LSAMP: variants seen among roughly 807,000 people sequenced by gnomAD.
LSAMP encodes the protein limbic system associated membrane protein, also known as limbic system-associated membrane protein.
Under a neutral mutation model 38.6 loss-of-function variants are expected in LSAMP, and 7 were observed. The ratio of observed to expected loss-of-function variants is 0.18; its 90% CI spans 0.10 to 0.34. The LOEUF is 0.34. Ranked by LOEUF, LSAMP falls within the 10% of genes least tolerant of loss-of-function variation. The pLI is 1.00. For synonymous variants in LSAMP, 154 were observed against 166.8 expected (o/e 0.92, Z 0.59); for missense variants, 313 against 420.0 (o/e 0.75, Z 2.23).
At chr3:115,831,791 G>A (rs1934621031) in intron 6 of LSAMP, among the ~76,000 whole-genome samples, 1 of 152,158 alleles carries the variant, frequency 6.6e-6, no homozygotes, top group African/African-American at 2.4e-5. Context: ...ACACCTATCA[G>A]AAACAGATCA....
chr3:116,427,825 G>C (rs746314205), intron 1 of LSAMP, among the ~76,000 whole-genome samples: 2 of 151,934 alleles, frequency 1.3e-5, no homozygotes, highest in African/African-American at 4.8e-5. Flanking sequence ...TCTCTCTCTT[G>C]GCAATTTCAT....
chr3:115,888,881 CTG>C (rs1936523051), intron 3 of LSAMP, among the ~76,000 whole-genome samples: 1 of 151,920 alleles, frequency 6.6e-6, no homozygotes, highest in Non-Finnish European at 1.5e-5. Context: ...TATTCTAAGT[CTG>C]TGGCTAGAAG....
intron 2 of LSAMP, among the ~76,000 whole-genome samples, chr3:116,083,965 C>T (rs1327609890): frequency 6.6e-6 from 1 of 152,070 alleles, no homozygotes; most frequent in Admixed American, 6.5e-5. Flanking sequence ...AGGAGGATAC[C>T]ATGCTTTCTT....
chr3:116,052,869 T>G (rs1941421816), intron 2 of LSAMP, among the ~76,000 whole-genome samples: 1 of 152,188 alleles, frequency 6.6e-6, no homozygotes, highest in Admixed American at 6.5e-5. Flanking sequence ...TCTAACCTGG[T>G]GCAGAGAATC....
intron 3 of LSAMP, among the ~76,000 whole-genome samples, chr3:115,933,715 G>A (rs1937619746): frequency 6.6e-6 from 1 of 152,136 alleles, no homozygotes; most frequent in Admixed American, 6.5e-5. Context: ...TCCATACTGT[G>A]GTGACAAGAA....
chr3:116,178,167 AC>A, intron 1 of LSAMP, among the ~76,000 whole-genome samples: 1 of 151,582 alleles, frequency 6.6e-6, no homozygotes, highest in Middle Eastern at 3.2e-3. Context: ...AAGGGAAGAG[AC>A]TTAATTTTTA....
At chr3:116,107,152 T>G (rs888849443) in intron 1 of LSAMP, among the ~76,000 whole-genome samples, 4 of 151,972 alleles carry the variant, frequency 2.6e-5, no homozygotes, top group Admixed American at 2.6e-4. Flanking sequence ...ATCAGAGAGA[T>G]ACAGTCATGA....
At chr3:116,175,876 C>T (rs1279314987) in intron 1 of LSAMP, among the ~76,000 whole-genome samples, 2 of 151,998 alleles carry the variant, frequency 1.3e-5, no homozygotes, top group Non-Finnish European at 2.9e-5. Context: ...ATAGTAAATC[C>T]AATGAAAACT....
At position 116,005,042 on chromosome 3, in the gene LSAMP, G is replaced by A. The variant is rs147856340; in HGVS notation, c.514+14473C>T. On this transcript the variant is annotated intron_variant, in intron 3 of 6. Transcript: ENST00000490035. Reference sequence around the variant, plus strand: ...TCTAGTGATGGTAGTAATAGTAGCAGTAGTAGTAGTAGTAGCAGTGGGTAG... The same window carrying A: ...TCTAGTGATGGTAGTAATAGTAGCAATAGTAGTAGTAGTAGCAGTGGGTAG... 1.1e-3 allele frequency among the ~76,000 whole-genome samples: 160 copies of A among 152,138 alleles called. 1 individual carries two copies. The highest frequency in any genetic ancestry group is 6.8e-3 in the Middle Eastern group (2 of 292).
chr3:116,316,778 GAAAAAA>G (rs35294836), intron 1 of LSAMP, among the ~76,000 whole-genome samples: 1 of 119,010 alleles, frequency 8.4e-6, no homozygotes, highest in Non-Finnish European at 1.7e-5. Flanking sequence ...CTCAAAAAAA[GAAAAAA>G]AAAAAAAAAA....
Position 116,396,904 on chromosome 3 carries a change from A to G in LSAMP, c.155+47973T>C, listed in dbSNP as rs76668490. On this transcript the variant is annotated intron_variant, in intron 1 of 6. Transcript: ENST00000490035. ...TTCTGTCATACTTCACATCCCATCCATCATGACATAATATCATTTCTATCA... is the reference window on the plus strand; with the variant it reads ...TTCTGTCATACTTCACATCCCATCCGTCATGACATAATATCATTTCTATCA... Among the ~76,000 whole-genome samples, 434 of 152,326 alleles carry G rather than the reference A, an allele frequency of 2.8e-3. 2 individuals are homozygous for G. Among genetic ancestry groups the G allele is most frequent in the African/African-American group, 9.9e-3 (413 of 41,564 alleles).
intron 1 of LSAMP, among the ~76,000 whole-genome samples, chr3:116,439,996 C>G (rs775416308): frequency 1.1e-4 from 16 of 152,220 alleles, no homozygotes; most frequent in Non-Finnish European, 2.4e-4. Context: ...GCTGGGATTA[C>G]AGGCGTGAGC....
intron 1 of LSAMP, among the ~76,000 whole-genome samples, chr3:116,287,495 T>C (rs115651526): frequency 0.017 from 2,636 of 152,276 alleles, 67 homozygotes; most frequent in African/African-American, 0.059. Flanking sequence ...GTTTATTCCT[T>C]TTTGTGTGTG....
intron 6 of LSAMP, among the ~76,000 whole-genome samples, chr3:115,836,432 T>C (rs1284259571): frequency 6.6e-6 from 1 of 152,198 alleles, no homozygotes; most frequent in Non-Finnish European, 1.5e-5. Context: ...AAAACGAAAC[T>C]TTCCAACTTT....
At chr3:116,102,108 CAAG>C (rs1286737344) in intron 1 of LSAMP, among the ~76,000 whole-genome samples, 2 of 152,014 alleles carry the variant, frequency 1.3e-5, no homozygotes, top group Non-Finnish European at 2.9e-5. Context: ...ATAATATGAT[CAAG>C]AAGAAAAACA....
chr3:116,167,010 CTT>C (rs1710071760), intron 1 of LSAMP, among the ~76,000 whole-genome samples: 3 of 152,046 alleles, frequency 2.0e-5, no homozygotes, highest in Admixed American at 6.5e-5. Flanking sequence ...CCAGGATGGT[CTT>C]GATCTCCTGA....
At chr3:116,027,967 C>T (rs1368070692) in intron 2 of LSAMP, among the ~76,000 whole-genome samples, 1 of 152,118 alleles carries the variant, frequency 6.6e-6, no homozygotes, top group East Asian at 1.9e-4. Flanking sequence ...GTATACACTA[C>T]TGTGTATGTG....
chr3:115,821,678 T>G (rs1934244407), intron 6 of LSAMP, among the ~76,000 whole-genome samples: 1 of 151,900 alleles, frequency 6.6e-6, no homozygotes, highest in Non-Finnish European at 1.5e-5. Context: ...TTAGTAAGAG[T>G]GTGTGTTTGC....
chr3:116,206,011 C>T lies in LSAMP; in HGVS notation c.156-119455G>A, dbSNP rs1411271542. ...TCCTCCTTGTACCTCTGGTAGAATT[C>T]GGCTGTGAATGCATCTGGCCCTGGA... On this transcript the variant is annotated intron_variant, in intron 1 of 6. Coordinates refer to ENST00000490035, the MANE Select transcript of LSAMP (RefSeq NM_002338.5). Among the ~76,000 whole-genome samples the T allele has an allele frequency of 3.3e-5, 5 of 151,898 alleles. No individual in the cohort carries two copies. The East Asian group carries it at 7.8e-4, about 24-fold the overall frequency.
Sources: gnomAD v4.1 joint callset for allele counts (sites outside exome capture counted in the v4.1 genomes callset) on GRCh38, gnomAD v4.1.1 for gene constraint, MANE v1.5 for transcripts, NCBI Gene and HGNC (gene_info 2026-07-23, HGNC 2026-07-21) for gene names.